The following PTPRT variants were observed in gnomAD, a reference collection of about 807,000 sequenced individuals.
PTPRT encodes protein tyrosine phosphatase receptor type T, also known as receptor-type tyrosine-protein phosphatase T.
PTPRT carries 56 observed loss-of-function variants against 176.8 expected under a neutral mutation model. That is an observed-to-expected ratio of 0.32 (90% confidence interval 0.26 to 0.40). The LOEUF (loss-of-function observed/expected upper bound fraction) is 0.40, where lower values mean the gene tolerates loss of function less well. Among genes scored for constraint, PTPRT ranks in the 10% least tolerant of loss-of-function variants. The pLI is 1.00. For missense variants in PTPRT, 1,540 were observed against 1,908.2 expected (o/e 0.81, Z 3.60); for synonymous variants, 783 against 739.0 (o/e 1.06, Z -0.96).
At chr20:42,207,286 G>T (rs1345362576) in intron 15 of PTPRT, among the ~76,000 whole-genome samples, 2 of 152,130 alleles carry the variant, frequency 1.3e-5, no homozygotes, top group Non-Finnish European at 2.9e-5. Flanking sequence ...AACAAAGCTG[G>T]ATGGAGAATG....
intron 1 of PTPRT, among the ~76,000 whole-genome samples, chr20:42,984,128 G>A (rs564587084): frequency 6.6e-5 from 10 of 152,324 alleles, no homozygotes; most frequent in African/African-American, 1.9e-4. Context: ...ATGTGCACAA[G>A]CACACAGCTC....
intron 1 of PTPRT, among the ~76,000 whole-genome samples, chr20:43,151,942 G>A (rs1476529222): frequency 6.6e-6 from 1 of 152,084 alleles, no homozygotes; most frequent in Non-Finnish European, 1.5e-5. Context: ...TGAAGATGGA[G>A]AAGAAGGCTG....
intron 12 of PTPRT, among the ~76,000 whole-genome samples, chr20:42,310,732 C>A (rs1024956339): frequency 6.6e-6 from 1 of 152,102 alleles, no homozygotes; most frequent in South Asian, 2.1e-4. Flanking sequence ...ATGGTTACAA[C>A]ATGGTCTAAT....
intron 7 of PTPRT, among the ~76,000 whole-genome samples, chr20:42,496,997 G>A (rs1320730453): frequency 4.6e-5 from 7 of 152,072 alleles, no homozygotes; most frequent in Non-Finnish European, 7.4e-5. Flanking sequence ...GGGGGCCAGA[G>A]GTATTGTCTA....
chr20:42,542,271 C>A (rs1317471882), intron 7 of PTPRT, among the ~76,000 whole-genome samples: 1 of 151,982 alleles, frequency 6.6e-6, no homozygotes, highest in Non-Finnish European at 1.5e-5. Flanking sequence ...AAACTTTAAA[C>A]TGAAAAAAGC....
intron 5 of PTPRT, among the ~76,000 whole-genome samples, chr20:42,761,086 C>T (rs895944805): frequency 1.3e-5 from 2 of 152,118 alleles, no homozygotes; most frequent in Non-Finnish European, 2.9e-5. Context: ...CTATGGTTCT[C>T]GAACCATGGT....
chr20:42,440,626 C>T (rs1454224678), intron 9 of PTPRT, among the ~76,000 whole-genome samples: 3 of 151,746 alleles, frequency 2.0e-5, no homozygotes, highest in Non-Finnish European at 2.9e-5. Flanking sequence ...TACAGGTGCC[C>T]GCCACCACAC....
chr20:42,930,340 G>A (rs912373789), intron 1 of PTPRT, among the ~76,000 whole-genome samples: 4 of 152,100 alleles, frequency 2.6e-5, no homozygotes, highest in African/African-American at 9.7e-5. Flanking sequence ...TTGGGCCCCT[G>A]GACATTCAGC....
At chr20:42,404,287 C>T (rs555853405) in intron 9 of PTPRT, among the ~76,000 whole-genome samples, 2 of 152,254 alleles carry the variant, frequency 1.3e-5, no homozygotes, top group East Asian at 3.9e-4. Context: ...GTCAGCCATC[C>T]AGACCCTGCA....
chr20:43,051,246 C>T (rs1404503219), intron 1 of PTPRT, among the ~76,000 whole-genome samples: 1 of 152,206 alleles, frequency 6.6e-6, no homozygotes, highest in Non-Finnish European at 1.5e-5. Flanking sequence ...CTTTTGCTAA[C>T]TCCAGTTTGA....
At chr20:42,288,538 C>T (rs985693065) in intron 12 of PTPRT, among the ~76,000 whole-genome samples, 1 of 151,820 alleles carries the variant, frequency 6.6e-6, no homozygotes, top group African/African-American at 2.4e-5. Flanking sequence ...TTGTGGAGTC[C>T]CCAATGTCTA....
At chr20:42,894,142 C>A (rs1035498744) in intron 1 of PTPRT, among the ~76,000 whole-genome samples, 4 of 151,898 alleles carry the variant, frequency 2.6e-5, no homozygotes, top group Non-Finnish European at 5.9e-5. Flanking sequence ...TAAGGAAGCG[C>A]CATAAGGCCA....
intron 8 of PTPRT, among the ~76,000 whole-genome samples, chr20:42,453,891 G>C (rs1189211526): frequency 6.6e-6 from 1 of 151,344 alleles, no homozygotes; most frequent in Non-Finnish European, 1.5e-5. Flanking sequence ...AAGAGATGGG[G>C]TTTCACTATG....
At chr20:42,710,449 GC>G (rs2049100360) in intron 6 of PTPRT, among the ~76,000 whole-genome samples, 1 of 152,204 alleles carries the variant, frequency 6.6e-6, no homozygotes, top group South Asian at 2.1e-4. Flanking sequence ...GGCTCAAAGG[GC>G]CCCAGATACA....
At chr20:43,066,720 C>T (rs2011115524) in intron 1 of PTPRT, among the ~76,000 whole-genome samples, 1 of 152,152 alleles carries the variant, frequency 6.6e-6, no homozygotes, top group African/African-American at 2.4e-5. Flanking sequence ...GGGAAGGTGG[C>T]ACCATCAAGG....
intron 1 of PTPRT, among the ~76,000 whole-genome samples, chr20:42,934,083 G>A (rs774674219): frequency 1.9e-4 from 29 of 152,276 alleles, no homozygotes; most frequent in Admixed American, 5.2e-4. Context: ...TGGAATTATC[G>A]AACAAGCATC....
rs747953256 is a variant in PTPRT, at chr20:42,472,267, G to A, written c.1449C>T (p.Asp483=). 3.8e-5 allele frequency: 61 copies of A among 1,613,318 alleles called. No individual in the cohort carries two copies. The South Asian group carries it at 4.3e-4, about 11-fold the overall frequency. Residue 483 remains aspartate (D), a splice_region_variant and synonymous_variant, in exon 8 of 31, where the codon GAC becomes GAT. Coordinates refer to ENST00000373187, the MANE Select transcript of PTPRT (RefSeq NM_007050.6). ...TGTAAGCTCTCCTCCCTTGCTCACC[G>A]TCTTCCTCAGTCTGCACCACCAGCT... The part of the protein sequence containing the change: ...SEELVVQTEE[D]VPGAVPLESI...
intron 1 of PTPRT, among the ~76,000 whole-genome samples, chr20:43,083,345 T>TATATACAC (rs2011505030): frequency 8.5e-6 from 1 of 117,378 alleles, no homozygotes; most frequent in African/African-American, 3.1e-5. Flanking sequence ...TATATATATA[T>TATATACAC]ATATATATAT....
At chr20:42,259,574 A>G (rs1231793049) in intron 13 of PTPRT, among the ~76,000 whole-genome samples, 1 of 152,218 alleles carries the variant, frequency 6.6e-6, no homozygotes, top group Non-Finnish European at 1.5e-5. Context: ...CTGTGGTAAG[A>G]CTAAGACCTT....
Sources: allele counts gnomAD v4.1 joint callset (sites outside exome capture counted in the v4.1 genomes callset), GRCh38; gene constraint gnomAD v4.1.1; transcripts MANE v1.5; gene names NCBI Gene and HGNC (gene_info 2026-07-23, HGNC 2026-07-21).